Variants in ZNF558 observed in about 807,000 individuals in gnomAD.
ZNF558 encodes zinc finger protein 558.
Under a neutral mutation model 37.6 loss-of-function variants are expected in ZNF558, and 23 were observed. The ratio of observed to expected loss-of-function variants is 0.61; its 90% CI spans 0.44 to 0.87. The LOEUF is 0.87. ZNF558 is among the 40% of genes least tolerant of loss of function. The pLI, the probability that ZNF558 is intolerant of heterozygous loss-of-function variation, is 0.00. For synonymous variants in ZNF558, 189 were observed against 174.4 expected (o/e 1.08, Z -0.66); for missense variants, 429 against 483.7 (o/e 0.89, Z 1.06).
At chr19:8,820,737 A>G (rs2044064597) in intron 7 of ZNF558, among the ~76,000 whole-genome samples, 1 of 152,136 alleles carries the variant, frequency 6.6e-6, no homozygotes, top group African/African-American at 2.4e-5. Flanking sequence ...CGGCCTCCCA[A>G]AGTGCTGGGA....
intron 2 of ZNF558, among the ~76,000 whole-genome samples, chr19:8,829,520 TC>T (rs1355339411): frequency 6.6e-6 from 1 of 152,132 alleles, no homozygotes; most frequent in Non-Finnish European, 1.5e-5. Context: ...AGTGCCAAGC[TC>T]CCACATCACT....
intron 2 of ZNF558, among the ~76,000 whole-genome samples, chr19:8,830,264 T>C (rs143055994): frequency 9.8e-5 from 15 of 152,318 alleles, no homozygotes; most frequent in African/African-American, 3.6e-4. Context: ...ATTAAACTTC[T>C]TTCCTTTGTA....
At position 8,810,046 on chromosome 19, in the gene ZNF558, T is replaced by C. The variant is rs1459396281; in HGVS notation, c.*1235A>G. The C allele has an allele frequency of 6.6e-6, 1 of 152,232 alleles. No individual in the cohort carries two copies. Among genetic ancestry groups the C allele is most frequent in the African/African-American group, 2.4e-5 (1 of 41,458 alleles). The allele number at this position is 152,232 out of a possible 1,614,324, so 9.4% of individuals were successfully genotyped here. ...GTTTTGCATCCAGGGAGAAGTTCCA[T>C]ATTTTCCCTAACACAGAGGCATCAC... On this transcript the variant is annotated 3_prime_UTR_variant, in exon 10 of 10. Transcript: ENST00000601372.
In ZNF558 at chr19:8,822,735, C is replaced by A; in HGVS notation, c.-65-11G>T. ...TTATCCCGCAGCGCTCTGGAAGAAA[C>A]GGGAATGCTCCAAGTCTCCGTGGCC... On this transcript the variant is annotated splice_polypyrimidine_tract_variant and intron_variant, in intron 4 of 9. Transcript: ENST00000601372. This position sits in a 1 kb window ranked among gnomAD's most constrained non-coding sequence, Gnocchi z 4.4. 6.2e-7 allele frequency: 1 copy of A among 1,610,598 alleles called. No individual in the cohort carries two copies.
rs1286580181 is a variant in ZNF558, at chr19:8,832,229, G to A, written c.-613C>T. ...CTCACCGAGCCCGGCCCCTCCCGCG[G>A]GGCCAAAAGCGCCGACTCGCGGGGA... is the stretch of plus-strand genomic sequence containing the variant. On this transcript the variant is annotated 5_prime_UTR_variant, in exon 1 of 10. Transcript: ENST00000601372. The A allele has an allele frequency of 6.6e-6, 1 of 152,180 alleles. No homozygotes were observed. The highest frequency in any genetic ancestry group is 1.9e-4 in the East Asian group (1 of 5,182). The allele number at this position is 152,180 out of a possible 1,614,324, so 9.4% of individuals were successfully genotyped here. A position where few individuals can be genotyped will look rare whatever the true frequency, so the allele number is the denominator to read the frequency against.
At chr19:8,831,220 A>C (rs2972586) in intron 2 of ZNF558, 98 bp downstream of exon 2, 1 of 152,050 alleles carries the variant, frequency 6.6e-6, no homozygotes, top group African/African-American at 2.4e-5. Flanking sequence ...TAGTGACTTC[A>C]ATGTGGTTAC....
intron 9 of ZNF558, among the ~76,000 whole-genome samples, chr19:8,812,287 A>G (rs1433361144): frequency 6.6e-6 from 1 of 152,208 alleles, no homozygotes; most frequent in African/African-American, 2.4e-5. Context: ...ACATTTTCTG[A>G]TAACGTGTGG....
chr19:8,823,739 AC>A (rs1568472831), intron 4 of ZNF558: 1 of 141,728 alleles, frequency 7.1e-6, no homozygotes, highest in Non-Finnish European at 1.5e-5. Flanking sequence ...CCTCCTCCCT[AC>A]CCCCCACTGT....
Position 8,811,351 on chromosome 19 carries a change from T to C in ZNF558, c.1139A>G (p.His380Arg), listed in dbSNP as rs782191480. The change falls in exon 10 of 10, where the codon CAT becomes CGT. Residue 380 changes from histidine to arginine, a missense_variant. Physicochemically the swap from His to Arg is conservative, Grantham distance 29. Transcript: ENST00000601372. ...HTGEKPYECN[H>R]CGKSFTSNSY... ...GTTACTTGTGAAGGATTTCCCACAA[T>C]GATTACATTCATAGGGTTTTTCTCC... 26 of 1,612,780 alleles carry C rather than the reference T, an allele frequency of 1.6e-5. No individual in the cohort carries two copies. Among genetic ancestry groups the C allele is most frequent in the Non-Finnish European group, 6.8e-6 (8 of 1,179,512 alleles).
intron 9 of ZNF558, 23 bp from the exon 10 acceptor site, chr19:8,812,086 T>C (rs1455000122): frequency 6.7e-7 from 1 of 1,500,344 alleles, no homozygotes; most frequent in Non-Finnish European, 8.9e-7. Context: ...AGATGAATGA[T>C]AACTATAATT....
chr19:8,821,538 G>T (rs2044091004), intron 6 of ZNF558: 2 of 1,428,830 alleles, frequency 1.4e-6, no homozygotes, highest in African/African-American at 2.9e-5. Context: ...CTCAATGCTT[G>T]TCTCCTTAGG....
At chr19:8,829,451 C>A (rs2044302298) in intron 2 of ZNF558, among the ~76,000 whole-genome samples, 1 of 152,202 alleles carries the variant, frequency 6.6e-6, no homozygotes, top group African/African-American at 2.4e-5. Flanking sequence ...ACAACTTAAG[C>A]TCTCAAGCTA....
intron 3 of ZNF558, among the ~76,000 whole-genome samples, chr19:8,824,655 C>T (rs1195467383): frequency 2.0e-5 from 3 of 152,268 alleles, no homozygotes; most frequent in East Asian, 3.9e-4. Flanking sequence ...AGCTGCCTGC[C>T]TTCTCCGCAG....
intron 7 of ZNF558, among the ~76,000 whole-genome samples, chr19:8,819,524 G>A (rs1402055180): frequency 1.3e-5 from 2 of 152,148 alleles, no homozygotes; most frequent in African/African-American, 2.4e-5. Context: ...TCAAGAAAAT[G>A]AAAAGACACC....
chr19:8,813,266 G>C (rs782271763), intron 7 of ZNF558, 44 bp from the exon 8 acceptor site: 1 of 1,471,524 alleles, frequency 6.8e-7, no homozygotes, highest in African/African-American at 1.4e-5. Flanking sequence ...ACAGTGCTGG[G>C]GACAACCAAG....
intron 4 of ZNF558, chr19:8,823,029 C>CAGT (rs1243697459): frequency 3.7e-6 from 1 of 267,326 alleles, no homozygotes; most frequent in Admixed American, 4.3e-5. Flanking sequence ...CCCGGCTACT[C>CAGT]CCTCCTTCCC....
At chr19:8,832,840 G>A (rs1298725708), upstream of ZNF558, among the ~76,000 whole-genome samples, 1 of 150,682 alleles carries the variant, frequency 6.6e-6, no homozygotes, top group Non-Finnish European at 1.5e-5. Flanking sequence ...TGACAGCCCT[G>A]GAGGTTGGGG....
chr19:8,832,159 G>T (rs1015778023), intron 1 of ZNF558, 50 bp downstream of exon 1: 1 of 152,210 alleles, frequency 6.6e-6, no homozygotes, highest in Non-Finnish European at 1.5e-5. Flanking sequence ...CGGTGTCCGC[G>T]GCCCACGTCG....
Position 8,832,204 on chromosome 19 carries a change from C to T in ZNF558, c.-593+5G>A, listed in dbSNP as rs1249663674. ...CTCGGACCCGAGCCCCCGCCAGTCGCTCACCGAGCCCGGCCCCTCCCGCGG... is the reference window on the plus strand; with the variant it reads ...CTCGGACCCGAGCCCCCGCCAGTCGTTCACCGAGCCCGGCCCCTCCCGCGG... On this transcript the variant is annotated splice_donor_5th_base_variant and intron_variant, in intron 1 of 9. Coordinates refer to ENST00000601372, the MANE Select transcript of ZNF558 (RefSeq NM_144693.3). 6.6e-6 allele frequency: 1 copy of T among 152,202 alleles called. No homozygotes were observed. Among genetic ancestry groups the T allele is most frequent in the Non-Finnish European group, 1.5e-5 (1 of 68,030 alleles). 9.4% of individuals were successfully genotyped at this position (152,202 alleles called of 1,614,324 possible). A position where few individuals can be genotyped will look rare whatever the true frequency, so the allele number is the denominator to read the frequency against.
Sources: gnomAD v4.1 joint callset for allele counts (sites outside exome capture counted in the v4.1 genomes callset) on GRCh38, gnomAD v4.1.1 for gene constraint, Gnocchi (gnomAD v3.1) non-coding constraint, MANE v1.5 for transcripts, NCBI Gene and HGNC (gene_info 2026-07-23, HGNC 2026-07-21) for gene names.